Variants in SP110 observed in about 807,000 individuals in gnomAD.
The protein encoded by SP110 is SP110 nuclear body protein.
A neutral mutation model predicts 92.7 loss-of-function variants in SP110; 62 were observed. The ratio of observed to expected loss-of-function variants is 0.67; its 90% CI spans 0.55 to 0.83. SP110 has a LOEUF of 0.83. Among genes scored for constraint, SP110 ranks in the 40% least tolerant of loss-of-function variants. The pLI is 0.00. For missense variants in SP110, 793 were observed against 863.9 expected (o/e 0.92, Z 1.03); for synonymous variants, 273 against 305.3 (o/e 0.89, Z 1.10).
chr2:230,171,679 C>T lies in SP110; in HGVS notation c.1887+17G>A, dbSNP rs201014062. On this transcript the variant is annotated intron_variant, in intron 17 of 18. Transcript: ENST00000258381. ...CCAAATGCATTTTATGCAAGAGAAC[C>T]GTAAAATGTGACTTACATTAAATGG... 112 of 1,599,460 alleles carry T rather than the reference C, an allele frequency of 7.0e-5. No homozygotes were observed. In the Admixed American group the frequency reaches 1.3e-3, roughly 18 times the overall value.
At chr2:230,220,088 T>C (rs2045673541), upstream of SP110, 1 of 985,460 alleles carries the variant, frequency 1.0e-6, no homozygotes, top group Non-Finnish European at 1.2e-6. Flanking sequence ...GCCTGCAGCC[T>C]CTCTCCACCT....
intron 14 of SP110, among the ~76,000 whole-genome samples, chr2:230,174,458 G>A (rs1378175672): frequency 6.6e-6 from 1 of 152,166 alleles, no homozygotes; most frequent in Non-Finnish European, 1.5e-5. Flanking sequence ...GCCCTCCTGA[G>A]TCTCATTCAC....
chr2:230,180,569 G>T lies in SP110; in HGVS notation c.1349-2314C>A, dbSNP rs531186866. Among the ~76,000 whole-genome samples, 11 of 152,272 alleles carry T rather than the reference G, an allele frequency of 7.2e-5. No individual in the cohort carries two copies. In the South Asian group the frequency reaches 2.1e-3, roughly 29 times the overall value. ...GACTGTCCTCATTTTATAGATGAGG[G>T]ACTTGGGGTCAGATGTGGAGAGAGA... is the stretch of plus-strand genomic sequence containing the variant. On this transcript the variant is annotated intron_variant, in intron 12 of 18. Coordinates refer to ENST00000258381, the MANE Select transcript of SP110 (RefSeq NM_080424.4).
At chr2:230,181,332 T>C (rs1436524734) in intron 12 of SP110, among the ~76,000 whole-genome samples, 2 of 152,170 alleles carry the variant, frequency 1.3e-5, no homozygotes, top group African/African-American at 4.8e-5. Context: ...GTGTGAGGCA[T>C]GGGGAGCTGG....
chr2:230,199,408 C>T (rs2043032104), intron 10 of SP110, among the ~76,000 whole-genome samples: 1 of 151,626 alleles, frequency 6.6e-6, no homozygotes, highest in African/African-American at 2.4e-5. Context: ...AGGGTTTCAT[C>T]ATGCTGGCCA....
chr2:230,189,968 G>A (rs2042536761), intron 10 of SP110, among the ~76,000 whole-genome samples: 1 of 152,090 alleles, frequency 6.6e-6, no homozygotes, highest in Admixed American at 6.6e-5. Flanking sequence ...CAGCATTTGG[G>A]TTGGTTCCAC....
intron 17 of SP110, 95 bp downstream of exon 17, chr2:230,171,601 C>T (rs1395698697): frequency 1.0e-6 from 1 of 958,334 alleles, no homozygotes; most frequent in Non-Finnish European, 1.7e-6. Context: ...CTCTTCTGTT[C>T]TCCAGCTTCC....
rs1234941154 is a variant in SP110, at chr2:230,177,610, T to C, written c.1518A>G (p.Gly506=). ...TCCAGTTCTTTGCGTTCCTTCCTTT[T>C]CCTTCGACTTCAAATTCATTTGGTG... The part of the protein sequence containing the change: ...WLTPNEFEVE[G]KGRNAKNWKR... Residue 506 remains glycine (G), a synonymous_variant, in exon 14 of 19, where the codon GGA becomes GGG. Transcript: ENST00000258381. 1 of 1,614,148 alleles carries C rather than the reference T, an allele frequency of 6.2e-7. No individual in the cohort carries two copies. The highest frequency in any genetic ancestry group is 1.1e-5 in the South Asian group (1 of 91,078).
chr2:230,190,959 C>A (rs551173178), intron 10 of SP110, among the ~76,000 whole-genome samples: 4 of 152,278 alleles, frequency 2.6e-5, no homozygotes, highest in African/African-American at 9.6e-5. Context: ...GTTACTGTAG[C>A]CTTGTCGTAT....
intron 7 of SP110, among the ~76,000 whole-genome samples, chr2:230,209,210 G>A (rs185680254): frequency 1.2e-4 from 19 of 152,260 alleles, no homozygotes; most frequent in African/African-American, 4.3e-4. Context: ...TTTGAATGAC[G>A]ATAGGGTCTA....
chr2:230,223,782 C>T (rs1006108016), upstream of SP110, among the ~76,000 whole-genome samples: 1 of 152,204 alleles, frequency 6.6e-6, no homozygotes, highest in African/African-American at 2.4e-5. Context: ...CAATTCATTT[C>T]CCCAATTCCA....
rs1159542313 is a variant in SP110 at position 230,165,338 on chromosome 2, CA to C, written c.*3785del. 1.3e-5 allele frequency among the ~76,000 whole-genome samples: 2 copies of C among 152,084 alleles called. No individual in the cohort carries two copies. The highest frequency in any genetic ancestry group is 2.9e-5 in the Non-Finnish European group (2 of 68,018). On this transcript the variant is annotated 3_prime_UTR_variant, in exon 19 of 19. Transcript: ENST00000258381. ...AGACACACTTCAGTTGACTGAAAGG[CA>C]GAGCAAAAAGGAAGTATGGAGAAGT...
chr2:230,180,985 T>C (rs2042102723), intron 12 of SP110, among the ~76,000 whole-genome samples: 1 of 152,226 alleles, frequency 6.6e-6, no homozygotes. Context: ...TCACTTATTA[T>C]GGTAATTAAA....
chr2:230,208,026 G>T lies in SP110; in HGVS notation c.863C>A (p.Pro288Gln). 6.4e-7 allele frequency: 1 copy of T among 1,567,968 alleles called. No individual in the cohort carries two copies. Residue 288 changes from proline (P) to glutamine (Q), a missense_variant, in exon 8 of 19, where the codon CCA (proline) becomes CAA (glutamine). Physicochemically the swap from Pro to Gln is moderately conservative, Grantham distance 76. Transcript: ENST00000258381. ...GCTTTTTTTCTTATGTCTCCTTTTTGGAGTTGACCAGATACATCTTTTTCT... is the reference window on the plus strand; with the variant it reads ...GCTTTTTTTCTTATGTCTCCTTTTTTGAGTTGACCAGATACATCTTTTTCT... ...KKRKRCIWST[P>Q]KRRHKKKSLP...
chr2:230,193,966 A>G (rs977683312), intron 10 of SP110, among the ~76,000 whole-genome samples: 2 of 152,156 alleles, frequency 1.3e-5, no homozygotes, highest in Non-Finnish European at 2.9e-5. Flanking sequence ...GTTTTCCTAT[A>G]AGTCATTGGT....
intron 17 of SP110, among the ~76,000 whole-genome samples, chr2:230,171,284 G>A (rs911907927): frequency 6.6e-6 from 1 of 152,228 alleles, no homozygotes; most frequent in African/African-American, 2.4e-5. Flanking sequence ...TAGAGATGGG[G>A]TTTTGCCATG....
intron 1 of SP110, chr2:230,225,427 C>G: frequency 6.3e-6 from 2 of 314,978 alleles, no homozygotes; most frequent in South Asian, 2.6e-5. Context: ...AGCCCTGGAG[C>G]CTGACTGAAG....
Position 230,170,747 on chromosome 2 carries a change from A to C in SP110, c.1902T>G (p.Gly634=). 1 of 1,614,106 alleles carries C rather than the reference A, an allele frequency of 6.2e-7. No individual in the cohort carries two copies. Among genetic ancestry groups the C allele is most frequent in the Non-Finnish European group, 8.5e-7 (1 of 1,180,020 alleles). Residue 634 remains glycine, a synonymous_variant, in exon 18 of 19, where the codon GGT becomes GGG. Transcript: ENST00000258381. ...TGIPFNIRDY[G]EPFQEAMWLD... ...ACCACATTGCTTCCTGAAAGGGCTCACCGTAATCTCGAATCTTGGGGACAA... is the reference window on the plus strand; with the variant it reads ...ACCACATTGCTTCCTGAAAGGGCTCCCCGTAATCTCGAATCTTGGGGACAA...
Position 230,165,902 on chromosome 2 carries a change from T to A in SP110, c.*3222A>T, listed in dbSNP as rs1241872442. On this transcript the variant is annotated 3_prime_UTR_variant, in exon 19 of 19. Transcript: ENST00000258381. Reference sequence around the variant, plus strand: ...ATAAGACCACCTATATAACTTTTTTTTTTTTTTTTGAAACAGAGTCTTACT... The same window carrying A: ...ATAAGACCACCTATATAACTTTTTTATTTTTTTTTGAAACAGAGTCTTACT... 6.6e-6 allele frequency among the ~76,000 whole-genome samples: 1 copy of A among 151,220 alleles called. No individual in the cohort carries two copies. Among genetic ancestry groups the A allele is most frequent in the Admixed American group, 6.6e-5 (1 of 15,196 alleles).
Sources: allele counts gnomAD v4.1 joint callset (sites outside exome capture counted in the v4.1 genomes callset), GRCh38; gene constraint gnomAD v4.1.1; transcripts MANE v1.5; gene names NCBI Gene and HGNC (gene_info 2026-07-23, HGNC 2026-07-21).